The following DAGLA variants were observed in gnomAD, a reference collection of about 807,000 sequenced individuals.
The protein encoded by DAGLA is diacylglycerol lipase alpha, also known as diacylglycerol lipase-alpha.
A neutral mutation model predicts 102.6 loss-of-function variants in DAGLA; 22 were observed. That is an observed-to-expected ratio of 0.21 (90% CI 0.15 to 0.31). DAGLA has a LOEUF of 0.31. DAGLA is among the 10% of genes least tolerant of loss of function. The probability of loss-of-function intolerance (pLI) is 1.00; values close to 1 mark genes in which losing one functional copy is unlikely to be tolerated. For synonymous variants in DAGLA, 578 were observed against 628.9 expected (o/e 0.92, Z 1.21); for missense variants, 927 against 1,446.6 (o/e 0.64, Z 5.83).
rs544613569 is a variant in DAGLA, at chr11:61,726,984, C to T, written c.636+902C>T. 1.2e-4 allele frequency among the ~76,000 whole-genome samples: 18 copies of T among 152,348 alleles called. 1 individual carries two copies. The highest frequency in any genetic ancestry group is 6.2e-4 in the South Asian group (3 of 4,834). ...GCAGGCCATGCAGAGGGCAGAGAGC[C>T]GGCCCCTGGCGGATGGAGGCTGGGG... On this transcript the variant is annotated intron_variant, in intron 6 of 19. Transcript: ENST00000257215.
At chr11:61,699,923 G>A (rs1006980011) in intron 1 of DAGLA, among the ~76,000 whole-genome samples, 2 of 152,242 alleles carry the variant, frequency 1.3e-5, no homozygotes, top group Non-Finnish European at 2.9e-5. Context: ...CTGGAAGGAG[G>A]GTGGGGCTGG....
At chr11:61,710,537 G>T (rs2065185898) in intron 1 of DAGLA, among the ~76,000 whole-genome samples, 1 of 152,114 alleles carries the variant, frequency 6.6e-6, no homozygotes, top group African/African-American at 2.4e-5. Flanking sequence ...TGTCCCAGGG[G>T]TGTTGGGTCC....
chr11:61,736,065 G>C (rs1384939552), intron 12 of DAGLA, among the ~76,000 whole-genome samples: 1 of 152,188 alleles, frequency 6.6e-6, no homozygotes, highest in Non-Finnish European at 1.5e-5. Context: ...AGCTTCATTA[G>C]CCACACTGCC....
In DAGLA at chr11:61,687,268, C is replaced by A. The variant is rs542589118; in HGVS notation, c.-45+6764C>A. ...TGGTGTCCCTGTCCATACGCCACCT[C>A]TCCCTCAGGTCCCACACAATCCCAC... is the stretch of plus-strand genomic sequence containing the variant. On this transcript the variant is annotated intron_variant, in intron 1 of 19. Coordinates refer to ENST00000257215, the MANE Select transcript of DAGLA (RefSeq NM_006133.3). 2.0e-5 allele frequency among the ~76,000 whole-genome samples: 3 copies of A among 152,170 alleles called. No individual in the cohort carries two copies. In the South Asian group the frequency reaches 6.2e-4, roughly 32 times the overall value.
intron 1 of DAGLA, among the ~76,000 whole-genome samples, chr11:61,687,831 C>T (rs539296740): frequency 6.6e-6 from 1 of 152,330 alleles, no homozygotes; most frequent in East Asian, 1.9e-4. Context: ...ATGACCATAA[C>T]AAGGAGCATG....
chr11:61,718,504 C>G (rs2065255315), intron 1 of DAGLA, among the ~76,000 whole-genome samples: 1 of 152,044 alleles, frequency 6.6e-6, no homozygotes, highest in South Asian at 2.1e-4. Flanking sequence ...CCCTCCTGTC[C>G]TATCGTGTCC....
intron 8 of DAGLA, 116 bp downstream of exon 8, chr11:61,729,124 C>T (rs1288496314): frequency 9.1e-6 from 8 of 878,850 alleles, no homozygotes; most frequent in East Asian, 2.6e-5. Context: ...TGCCCCTGCC[C>T]GGTCTCCCCC....
chr11:61,685,937 C>G (rs993997281), intron 1 of DAGLA, among the ~76,000 whole-genome samples: 1 of 152,074 alleles, frequency 6.6e-6, no homozygotes, highest in Non-Finnish European at 1.5e-5. Flanking sequence ...AGCTGGGTCC[C>G]CAGGAGCCAT....
rs35056845 is a variant in DAGLA at position 61,743,564 on chromosome 11, G to T, written c.2204G>T (p.Gly735Val). 6,439 of 1,545,992 alleles carry T rather than the reference G, an allele frequency of 4.2e-3. 226 individuals are homozygous for T. In the African/African-American group the frequency reaches 0.077, roughly 18 times the overall value. The change falls in exon 20 of 20, where the codon GGC becomes GTC. Residue 735 changes from glycine to valine, a missense_variant. By Grantham distance (109) the Gly-to-Val change is moderately radical (BLOSUM62 -3). Coordinates refer to ENST00000257215, the MANE Select transcript of DAGLA (RefSeq NM_006133.3). ...TCCCAGTCTGAGATGAGCCTGGAGG[G>T]CTTCTCGGAGGGGCGGCTGCTGTCG... ...SKSQSEMSLE[G>V]FSEGRLLSPV...
intron 1 of DAGLA, among the ~76,000 whole-genome samples, chr11:61,705,758 T>C (rs891472706): frequency 1.3e-5 from 2 of 152,228 alleles, no homozygotes; most frequent in African/African-American, 4.8e-5. Flanking sequence ...GGAGAATGGC[T>C]GCATGCACTA....
At position 61,694,272 on chromosome 11, in the gene DAGLA, T is replaced by C. The variant is rs1240924110; in HGVS notation, c.-45+13768T>C. ...AGTCCTGCTTCCTTGCCTGTTTTTT[T>C]CTAAGCAATTTTTGCTGCCCAAGAA... On this transcript the variant is annotated intron_variant, in intron 1 of 19. Transcript: ENST00000257215. Among the ~76,000 whole-genome samples, 8 of 152,342 alleles carry C rather than the reference T, an allele frequency of 5.3e-5. No homozygotes were observed. The East Asian group carries it at 1.5e-3, about 29-fold the overall frequency.
intron 18 of DAGLA, among the ~76,000 whole-genome samples, 192 bp downstream of exon 18, chr11:61,740,784 C>T (rs535552705): frequency 1.3e-5 from 2 of 152,320 alleles, no homozygotes; most frequent in Admixed American, 6.5e-5. Flanking sequence ...CACATCACCA[C>T]GTTGCCCCAT....
rs778621619 is a variant in DAGLA at position 61,738,191 on chromosome 11, G to A, written c.1640G>A (p.Arg547Gln). The A allele has an allele frequency of 1.9e-5, 31 of 1,612,798 alleles. No individual in the cohort carries two copies. Among genetic ancestry groups the A allele is most frequent in the Admixed American group, 5.0e-5 (3 of 59,990 alleles). Reference protein sequence around the residue: ...FRRQLLDVLQRSTKPKWRIIV... With the variant: ...FRRQLLDVLQQSTKPKWRIIV... ...AGACAGCTCCTGGATGTCCTGCAGC[G>A]AAGCACCAAGCCCAAAGTGAGCCCC... Residue 547 changes from arginine (R) to glutamine (Q), a missense_variant, in exon 16 of 20, where the codon CGA (arginine) becomes CAA (glutamine). Arg to Gln is a conservative substitution (Grantham distance 43). Coordinates refer to ENST00000257215, the MANE Select transcript of DAGLA (RefSeq NM_006133.3).
chr11:61,710,976 A>G (rs1290207399), intron 1 of DAGLA, among the ~76,000 whole-genome samples: 1 of 152,218 alleles, frequency 6.6e-6, no homozygotes, highest in African/African-American at 2.4e-5. Context: ...GATGGAACTA[A>G]GATTCAAATT....
intron 1 of DAGLA, among the ~76,000 whole-genome samples, chr11:61,714,162 C>T (rs751922408): frequency 5.3e-5 from 8 of 152,188 alleles, no homozygotes; most frequent in Non-Finnish European, 8.8e-5. Context: ...TGGACTCATC[C>T]TCCCGGCCCT....
intron 1 of DAGLA, among the ~76,000 whole-genome samples, chr11:61,696,789 G>A (rs1448470422): frequency 6.6e-6 from 1 of 152,214 alleles, no homozygotes; most frequent in Non-Finnish European, 1.5e-5. Context: ...GTGGGGTGGA[G>A]GTGTTGCAAT....
chr11:61,728,017 C>A, intron 6 of DAGLA, 136 bp from the exon 7 acceptor site: 1 of 977,826 alleles, frequency 1.0e-6, no homozygotes, highest in Non-Finnish European at 1.6e-6. Flanking sequence ...TGTGGAGGTG[C>A]TGGGGAGAAC....
At chr11:61,724,260 T>C (rs1057328999) in intron 5 of DAGLA, among the ~76,000 whole-genome samples, 1 of 152,126 alleles carries the variant, frequency 6.6e-6, no homozygotes, top group Non-Finnish European at 1.5e-5. Flanking sequence ...ATAATTTGTT[T>C]GTTGAAAGAA....
chr11:61,743,524 C>G lies in DAGLA; in HGVS notation c.2172-8C>G. The G allele has an allele frequency of 1.3e-6, 2 of 1,509,230 alleles. No individual in the cohort carries two copies. The highest frequency in any genetic ancestry group is 1.8e-6 in the Non-Finnish European group (2 of 1,135,398). 93.5% of individuals were successfully genotyped at this position (1,509,230 alleles called of 1,614,324 possible). On this transcript the variant is annotated splice_region_variant and splice_polypyrimidine_tract_variant and intron_variant, in intron 19 of 19. Coordinates refer to ENST00000257215, the MANE Select transcript of DAGLA (RefSeq NM_006133.3). ...TCTTATACCCCCTGCTCTCCTCTCC[C>G]TCTGCAGGAGCAAGTCCCAGTCTGA...
Sources: allele counts gnomAD v4.1 joint callset (sites outside exome capture counted in the v4.1 genomes callset), GRCh38; gene constraint gnomAD v4.1.1; transcripts MANE v1.5; gene names NCBI Gene and HGNC (gene_info 2026-07-23, HGNC 2026-07-21).